Variants in ELAVL2 observed in about 807,000 individuals in gnomAD.
ELAVL2 encodes the protein ELAV-like protein 2.
Under a neutral mutation model 34.6 loss-of-function variants are expected in ELAVL2, and 4 were observed. That is an observed-to-expected ratio of 0.12 (90% confidence interval 0.06 to 0.26). ELAVL2 has a LOEUF of 0.26. Ranked by LOEUF, ELAVL2 falls within the 10% of genes least tolerant of loss-of-function variation. The pLI is 1.00. For missense variants in ELAVL2, 432 were observed against 442.8 expected, an observed-to-expected ratio of 0.98 and a Z score of 0.22; for synonymous variants, 193 against 154.8, an observed-to-expected ratio of 1.25 and a Z score of -1.83.
At position 23,737,492 on chromosome 9, in the gene ELAVL2, A is replaced by G. The variant is rs576796510; in HGVS notation, c.230-6367T>C. ...AAAGTGTCATCTAGAGTAATTTGAT[A>G]GATTTACATAAATCTGTTCCACAAA... On this transcript the variant is annotated intron_variant, in intron 2 of 6. Transcript: ENST00000397312. Among the ~76,000 whole-genome samples the G allele has an allele frequency of 5.2e-5, 8 of 152,382 alleles. 1 individual carries two copies. The South Asian group carries it at 1.4e-3, about 28-fold the overall frequency.
chr9:23,716,500 C>T (rs1398811127), intron 3 of ELAVL2, among the ~76,000 whole-genome samples: 1 of 151,998 alleles, frequency 6.6e-6, no homozygotes, highest in Non-Finnish European at 1.5e-5. Flanking sequence ...GAAAAACCTC[C>T]AAGAATCTCA....
At chr9:23,751,043 T>C (rs2051852302) in intron 2 of ELAVL2, among the ~76,000 whole-genome samples, 1 of 151,940 alleles carries the variant, frequency 6.6e-6, no homozygotes, top group Non-Finnish European at 1.5e-5. Context: ...TTGTAAAGAG[T>C]CAAGGGCCCC....
chr9:23,713,495 A>G (rs2041541129), intron 3 of ELAVL2, among the ~76,000 whole-genome samples: 1 of 152,134 alleles, frequency 6.6e-6, no homozygotes, highest in Non-Finnish European at 1.5e-5. Flanking sequence ...TTAGAAGGTG[A>G]TTACACTAAA....
chr9:23,824,400 C>A (rs1469825425), intron 1 of ELAVL2, among the ~76,000 whole-genome samples: 1 of 152,212 alleles, frequency 6.6e-6, no homozygotes, highest in African/African-American at 2.4e-5. Context: ...CTAGCCCCCA[C>A]CGCCCTTCGC....
In ELAVL2 at chr9:23,711,186, A is replaced by C. The variant is rs562244082; in HGVS notation, c.334-6115T>G. On this transcript the variant is annotated intron_variant, in intron 3 of 6. Coordinates refer to ENST00000397312, the MANE Select transcript of ELAVL2 (RefSeq NM_004432.5). ...AAAGAAATAATCACATCCAAACAGG[A>C]AATTTTATAAAAGGTATTAAAGGTT... Among the ~76,000 whole-genome samples the C allele has an allele frequency of 2.0e-5, 3 of 152,352 alleles. No homozygotes were observed. In the South Asian group the frequency reaches 6.2e-4, roughly 32 times the overall value.
At chr9:23,743,022 C>T (rs180888071) in intron 2 of ELAVL2, among the ~76,000 whole-genome samples, 3 of 152,104 alleles carry the variant, frequency 2.0e-5, no homozygotes, top group African/African-American at 4.8e-5. Context: ...ACCTCAAGAA[C>T]ACTCTCTCTG....
rs548345454 is a variant in ELAVL2, at chr9:23,813,665, G to T, written c.-16+12141C>A. On this transcript the variant is annotated intron_variant, in intron 1 of 6. Transcript: ENST00000397312. Reference sequence around the variant, plus strand: ...ATCCCAGGGGGGGAGGAGAGAAAAGGTAAGTTAAGCTGAGAGAAGCTCATT... The same window carrying T: ...ATCCCAGGGGGGGAGGAGAGAAAAGTTAAGTTAAGCTGAGAGAAGCTCATT... Among the ~76,000 whole-genome samples the T allele has an allele frequency of 3.9e-4, 59 of 152,290 alleles. No individual in the cohort carries two copies. In the South Asian group the frequency reaches 0.012, roughly 30 times the overall value.
chr9:23,790,257 A>G (rs551665550), intron 1 of ELAVL2, among the ~76,000 whole-genome samples: 1 of 152,286 alleles, frequency 6.6e-6, no homozygotes, highest in African/African-American at 2.4e-5. Flanking sequence ...TGTGGTAGAA[A>G]AAAAGAGAGG....
intron 1 of ELAVL2, among the ~76,000 whole-genome samples, chr9:23,781,048 A>T (rs1348695494): frequency 1.3e-5 from 2 of 152,146 alleles, no homozygotes; most frequent in East Asian, 3.8e-4. Context: ...TGATTCTGTG[A>T]CCCTCAACAA....
the ELAVL2 span, among the ~76,000 whole-genome samples, chr9:23,836,378 T>C: frequency 8.5e-5 from 13 of 152,310 alleles, no homozygotes; most frequent in East Asian, 9.6e-4. Flanking sequence ...GTAGATGATA[T>C]TTCTAGGTTC....
At chr9:23,727,719 G>C (rs968807427) in intron 3 of ELAVL2, among the ~76,000 whole-genome samples, 5 of 151,988 alleles carry the variant, frequency 3.3e-5, no homozygotes, top group African/African-American at 7.2e-5. Context: ...ACCAAAGTTT[G>C]GGAACAAATG....
In ELAVL2 at chr9:23,814,524, T is replaced by A. The variant is rs561822157; in HGVS notation, c.-16+11282A>T. Among the ~76,000 whole-genome samples, 30 of 152,274 alleles carry A rather than the reference T, an allele frequency of 2.0e-4. 1 individual carries two copies. In the South Asian group the frequency reaches 6.0e-3, roughly 30 times the overall value. On this transcript the variant is annotated intron_variant, in intron 1 of 6. Coordinates refer to ENST00000397312, the MANE Select transcript of ELAVL2 (RefSeq NM_004432.5). ...AAAGTCAAAAGCACTGATGACCTCG[T>A]ATTTGGGAAAAGTCCATGGGTCATT...
chr9:23,704,132 A>G (rs1214921523), intron 4 of ELAVL2, among the ~76,000 whole-genome samples: 1 of 151,728 alleles, frequency 6.6e-6, no homozygotes, highest in African/African-American at 2.4e-5. Context: ...GGGCTTCTCT[A>G]TGTTGGTCAC....
At chr9:23,755,756 GC>G (rs2053402654) in intron 2 of ELAVL2, among the ~76,000 whole-genome samples, 1 of 152,024 alleles carries the variant, frequency 6.6e-6, no homozygotes, top group African/African-American at 2.4e-5. Context: ...CAACCTTTCT[GC>G]CATCTTTCTA....
At position 23,799,133 on chromosome 9, in the gene ELAVL2, T is replaced by C. The variant is rs1008045041; in HGVS notation, c.-16+26673A>G. 1.4e-4 allele frequency among the ~76,000 whole-genome samples: 21 copies of C among 152,118 alleles called. No homozygotes were observed. The South Asian group carries it at 4.1e-3, about 30-fold the overall frequency. The stretch of plus-strand genomic sequence containing the variant: ...AATATGACTAGAAAGCCTAAGAAAA[T>C]CTAATGCAATCTCACAGAAGCTTTT... On this transcript the variant is annotated intron_variant, in intron 1 of 6. Transcript: ENST00000397312.
intron 1 of ELAVL2, among the ~76,000 whole-genome samples, chr9:23,788,516 G>A (rs1035878439): frequency 6.6e-6 from 1 of 152,126 alleles, no homozygotes; most frequent in Non-Finnish European, 1.5e-5. Flanking sequence ...ACTGGGCCCA[G>A]TAAGACATTA....
chr9:23,786,727 C>T (rs1260205074), intron 1 of ELAVL2, among the ~76,000 whole-genome samples: 1 of 111,452 alleles, frequency 9.0e-6, no homozygotes, highest in African/African-American at 3.5e-5. Context: ...CATTAATGTT[C>T]AAAAAGTATA....
At chr9:23,810,904 T>G (rs2062889310) in intron 1 of ELAVL2, among the ~76,000 whole-genome samples, 1 of 152,178 alleles carries the variant, frequency 6.6e-6, no homozygotes, top group Admixed American at 6.5e-5. Context: ...AATTGCCAAC[T>G]CCACGTATTT....
At chr9:23,847,700 C>T in the ELAVL2 span, among the ~76,000 whole-genome samples, 3 of 151,868 alleles carry the variant, frequency 2.0e-5, no homozygotes, top group East Asian at 1.9e-4. Context: ...TAAATTTGCA[C>T]ATTAAGAATA....
Sources: gnomAD v4.1 joint callset for allele counts (sites outside exome capture counted in the v4.1 genomes callset) on GRCh38, gnomAD v4.1.1 for gene constraint, MANE v1.5 for transcripts, NCBI Gene and HGNC (gene_info 2026-07-23, HGNC 2026-07-21) for gene names.